The following SNX15 variants were observed in gnomAD, a reference collection of about 807,000 sequenced individuals.
The protein encoded by SNX15 is sorting nexin-15.
In SNX15, 29 loss-of-function variants were observed where a neutral mutation model predicts 35.2. The observed-to-expected ratio is 0.82, with a 90% CI of 0.61 to 1.12. The LOEUF is 1.12. Ranked by LOEUF, SNX15 falls within the 50% of genes most tolerant of loss-of-function variation. The pLI is 0.00. For synonymous variants in SNX15, 189 were observed against 188.2 expected (o/e 1.00, Z -0.03); for missense variants, 400 against 451.5 (o/e 0.89, Z 1.03).
intron 5 of SNX15, 80 bp from the exon 6 acceptor site, chr11:65,035,440 G>C: frequency 1.4e-6 from 2 of 1,469,980 alleles, no homozygotes; most frequent in South Asian, 1.3e-5. Flanking sequence ...TTGCTGCAAG[G>C]GTTTAAGGAG....
At chr11:65,029,584 A>G (rs1946417897) in intron 1 of SNX15, among the ~76,000 whole-genome samples, 1 of 150,388 alleles carries the variant, frequency 6.6e-6, no homozygotes, top group Non-Finnish European at 1.5e-5. Context: ...ATATGTATGT[A>G]TATATTTTTT....
At chr11:65,033,543 CAAAAA>C (rs35724941) in intron 3 of SNX15, among the ~76,000 whole-genome samples, 2 of 86,466 alleles carry the variant, frequency 2.3e-5, no homozygotes, top group Non-Finnish European at 4.6e-5. Flanking sequence ...GACTCCGTCT[CAAAAA>C]AAAAAAAAAA....
chr11:65,035,619 T>C lies in SNX15; in HGVS notation c.620T>C (p.Leu207Pro), dbSNP rs578124998. ...TCTGGTTCCCCTGCCCGAGGCCCCC[T>C]CACCGAGGCTGAGCTTGCCCTCTTC... The part of the protein sequence containing the change: ...EASGSPARGP[L>P]TEAELALFDP... Residue 207 changes from leucine to proline, a missense_variant, in exon 6 of 8, where the codon CTC becomes CCC. Transcript: ENST00000377244. The C allele has an allele frequency of 1.9e-6, 3 of 1,613,690 alleles. No homozygotes were observed. The highest frequency in any genetic ancestry group is 2.5e-6 in the Non-Finnish European group (3 of 1,179,782).
intron 7 of SNX15, among the ~76,000 whole-genome samples, 198 bp downstream of exon 7, chr11:65,039,027 C>CTTTTTTTTTTTTTTTTTTTT (rs1946537688): frequency 1.5e-5 from 1 of 67,774 alleles, no homozygotes; most frequent in Non-Finnish European, 3.7e-5. Flanking sequence ...TTTCTTCTTC[C>CTTTTTTTTTTTTTTTTTTTT]TCTTTTTTTT....
In SNX15 at chr11:65,039,711, A is replaced by G; in HGVS notation, c.948A>G (p.Glu316=). Residue 316 remains glutamate, a synonymous_variant, in exon 8 of 8, where the codon GAA becomes GAG. Transcript: ENST00000377244. Reference sequence around the variant, plus strand: ...GTGACCCGTTGCCTGCCCGCCAGGAAGGTGTGAAGAAGAAGGCAGCTGAGT... The same window carrying G: ...GTGACCCGTTGCCTGCCCGCCAGGAGGGTGTGAAGAAGAAGGCAGCTGAGT... The part of the protein sequence containing the change: ...VPSDPLPARQ[E]GVKKKAAEYL... 1 of 1,613,480 alleles carries G rather than the reference A, an allele frequency of 6.2e-7. No homozygotes were observed.
rs776679043 is a variant in SNX15, at chr11:65,034,887, G to A, written c.297G>A (p.Gly99=). Residue 99 remains glycine (G), a synonymous_variant, in exon 4 of 8, where the codon GGG becomes GGA. Coordinates refer to ENST00000377244, the MANE Select transcript of SNX15 (RefSeq NM_013306.5). The stretch of plus-strand genomic sequence containing the variant: ...CAGTGATCGAGGAGCGGCGAAAGGG[G>A]GCAGAGGACCTGCTTCGCTTCACTG... The part of the protein sequence containing the change: ...EASVIEERRK[G]AEDLLRFTVH... The A allele has an allele frequency of 2.5e-6, 4 of 1,614,054 alleles. No homozygotes were observed. The Admixed American group carries it at 6.7e-5, about 27-fold the overall frequency.
chr11:65,033,543 C>CAA (rs35724941), intron 3 of SNX15, among the ~76,000 whole-genome samples: 2,345 of 86,292 alleles, frequency 0.027, 39 homozygotes, highest in African/African-American at 0.043. Flanking sequence ...GACTCCGTCT[C>CAA]AAAAAAAAAA....
intron 1 of SNX15, among the ~76,000 whole-genome samples, chr11:65,029,919 C>G (rs937624100): frequency 6.6e-6 from 1 of 152,094 alleles, no homozygotes; most frequent in African/African-American, 2.4e-5. Context: ...CGGGGTCTTG[C>G]TCTGTCACCC....
In SNX15 at chr11:65,038,834, G is replaced by A. The variant is rs112364550; in HGVS notation, c.922+5G>A. ...TCTTGCTTCAGGGAGTCCCCAGTGA[G>A]TAGGGACTGAGGGTGGAGGGTCAGG... is the stretch of plus-strand genomic sequence containing the variant. On this transcript the variant is annotated splice_donor_5th_base_variant and intron_variant, in intron 7 of 7. Coordinates refer to ENST00000377244, the MANE Select transcript of SNX15 (RefSeq NM_013306.5). 2 of 1,567,396 alleles carry A rather than the reference G, an allele frequency of 1.3e-6. No individual in the cohort carries two copies. The highest frequency in any genetic ancestry group is 1.2e-5 in the South Asian group (1 of 84,804).
Position 65,038,652 on chromosome 11 carries a change from T to C in SNX15, c.745T>C (p.Trp249Arg). 1.2e-6 allele frequency: 2 copies of C among 1,612,848 alleles called. No individual in the cohort carries two copies. Among genetic ancestry groups the C allele is most frequent in the Non-Finnish European group, 1.7e-6 (2 of 1,179,506 alleles). The stretch of plus-strand genomic sequence containing the variant: ...GTCTGCAAGGCTGGACCAGGAACCC[T>C]GGGAGCCAGGAGGGCAGGAGGAGGA... The part of the protein sequence containing the change: ...VESARLDQEP[W>R]EPGGQEEEED... Residue 249 changes from tryptophan (W) to arginine (R), a missense_variant, in exon 7 of 8, where the codon TGG becomes CGG. Trp to Arg is a moderately radical substitution (Grantham distance 101). Coordinates refer to ENST00000377244, the MANE Select transcript of SNX15 (RefSeq NM_013306.5).
Position 65,038,654 on chromosome 11 carries a change from G to A in SNX15, c.747G>A (p.Trp249Ter). Residue 249 changes from tryptophan (W) to a stop codon, truncating the protein, a stop_gained, in exon 7 of 8, where the codon TGG (tryptophan) becomes TGA (stop). Coordinates refer to ENST00000377244, the MANE Select transcript of SNX15 (RefSeq NM_013306.5). LOFTEE classifies it high-confidence loss of function. ...VESARLDQEP[W>*]EPGGQEEEED... is the part of the protein sequence containing the mutation. ...CTGCAAGGCTGGACCAGGAACCCTG[G>A]GAGCCAGGAGGGCAGGAGGAGGAAG... is the stretch of plus-strand genomic sequence containing the variant. The A allele has an allele frequency of 6.2e-7, 1 of 1,612,900 alleles. No individual in the cohort carries two copies. Among genetic ancestry groups the A allele is most frequent in the Non-Finnish European group, 8.5e-7 (1 of 1,179,518 alleles).
chr11:65,034,841 C>T lies in SNX15; in HGVS notation c.257-6C>T. The T allele has an allele frequency of 6.2e-7, 1 of 1,611,408 alleles. No individual in the cohort carries two copies. ...TCTCCCCTGTTCCTTGTCCTGGGGG[C>T]CGTAGGCCGGTTTGAAGCCTCAGTG... On this transcript the variant is annotated splice_polypyrimidine_tract_variant and splice_region_variant and intron_variant, in intron 3 of 7. Coordinates refer to ENST00000377244, the MANE Select transcript of SNX15 (RefSeq NM_013306.5).
rs1368264007 is a variant in SNX15, at chr11:65,035,508, T to C, written c.521-12T>C. The C allele has an allele frequency of 2.5e-6, 4 of 1,574,466 alleles. No homozygotes were observed. Among genetic ancestry groups the C allele is most frequent in the Non-Finnish European group, 2.6e-6 (3 of 1,164,430 alleles). On this transcript the variant is annotated splice_polypyrimidine_tract_variant and intron_variant, in intron 5 of 7. Transcript: ENST00000377244. ...ACGCAGGTATTCATGACCCCACTTA[T>C]CTCTTCCTCAGTGGACCCCCCACCA...
chr11:65,038,871 G>T, intron 7 of SNX15, 42 bp downstream of exon 7: 1 of 1,483,796 alleles, frequency 6.7e-7, no homozygotes, highest in Non-Finnish European at 9.0e-7. Context: ...CTGGGTCCCA[G>T]GTGGGGCAGT....
Position 65,039,575 on chromosome 11 carries a change from G to A in SNX15, c.923-111G>A, listed in dbSNP as rs1395692183. On this transcript the variant is annotated intron_variant, in intron 7 of 7. Coordinates refer to ENST00000377244, the MANE Select transcript of SNX15 (RefSeq NM_013306.5). Reference sequence around the variant, plus strand: ...AGGAGAATGGATGCTGGGCCCCAGAGAGGAGGGAAAAGCACATGGTGATGC... The same window carrying A: ...AGGAGAATGGATGCTGGGCCCCAGAAAGGAGGGAAAAGCACATGGTGATGC... 6.2e-6 allele frequency: 4 copies of A among 646,108 alleles called. No individual in the cohort carries two copies. The Admixed American group carries it at 1.0e-4, about 17-fold the overall frequency. The allele number at this position is 646,108 out of a possible 1,614,324, so 40.0% of individuals were successfully genotyped here.
At chr11:65,038,363 G>A in intron 6 of SNX15, 1 of 1,175,602 alleles carries the variant, frequency 8.5e-7, no homozygotes, top group Non-Finnish European at 1.1e-6. Context: ...GGAAGGTAAG[G>A]CTGTTTTTAC....
At position 65,029,402 on chromosome 11, in the gene SNX15, C is replaced by A. The variant is rs1212242718; in HGVS notation, c.99+1766C>A. Among the ~76,000 whole-genome samples the A allele has an allele frequency of 2.6e-5, 4 of 151,656 alleles. No individual in the cohort carries two copies. In the South Asian group the frequency reaches 8.3e-4, roughly 32 times the overall value. ...CGATCTCTTGACCTCATGATCCACC[C>A]GCCTTGGCCTCCCAAAGTGCTGGGA... On this transcript the variant is annotated intron_variant, in intron 1 of 7. Transcript: ENST00000377244.
At chr11:65,035,750 G>C in intron 6 of SNX15, 87 bp downstream of exon 6, 1 of 1,370,978 alleles carries the variant, frequency 7.3e-7, no homozygotes, top group Non-Finnish European at 9.9e-7. Context: ...CCTGCTCAGT[G>C]CCTGCGCAGA....
At position 65,027,758 on chromosome 11, in the gene SNX15, A is replaced by G; in HGVS notation, c.99+122A>G. ...ACGACAGAAATGGGTTTCCCCTTTA[A>G]GGGGAGGTTGCAGTACGAGGCTTAG... is the stretch of plus-strand genomic sequence containing the variant. On this transcript the variant is annotated intron_variant, in intron 1 of 7. Coordinates refer to ENST00000377244, the MANE Select transcript of SNX15 (RefSeq NM_013306.5). The G allele has an allele frequency of 5.5e-6, 4 of 728,610 alleles. No individual in the cohort carries two copies. The South Asian group carries it at 6.6e-5, about 12-fold the overall frequency. The allele number at this position is 728,610 out of a possible 1,614,324, so 45.1% of individuals were successfully genotyped here.
Sources: gnomAD v4.1 joint callset for allele counts (sites outside exome capture counted in the v4.1 genomes callset) on GRCh38, gnomAD v4.1.1 for gene constraint, MANE v1.5 for transcripts, NCBI Gene and HGNC (gene_info 2026-07-23, HGNC 2026-07-21) for gene names.